The following MEGF6 variants were observed in gnomAD, a reference collection of about 807,000 sequenced individuals.
The protein encoded by MEGF6 is multiple EGF like domains 6, also known as multiple epidermal growth factor-like domains protein 6.
Under a neutral mutation model 207.1 loss-of-function variants are expected in MEGF6, and 184 were observed. That is an observed-to-expected ratio of 0.89 (90% CI 0.79 to 1.00). The LOEUF (loss-of-function observed/expected upper bound fraction) is 1.00. Among genes scored for constraint, MEGF6 ranks in the 50% least tolerant of loss-of-function variants. MEGF6 has a pLI of 0.00. For synonymous variants in MEGF6, 1,038 were observed against 910.0 expected, an observed-to-expected ratio of 1.14 and a Z score of -2.53; for missense variants, 2,282 against 2,202.9, an observed-to-expected ratio of 1.04 and a Z score of -0.72.
chr1:3,518,339 G>A (rs1398079058), intron 5 of MEGF6, among the ~76,000 whole-genome samples: 2 of 152,196 alleles, frequency 1.3e-5, no homozygotes, highest in East Asian at 3.9e-4. Context: ...CCAGCCACAT[G>A]CAGGTCCACT....
intron 4 of MEGF6, among the ~76,000 whole-genome samples, chr1:3,578,814 G>C (rs2487683): frequency 2.5e-4 from 34 of 137,656 alleles, no homozygotes; most frequent in South Asian, 7.7e-4. Flanking sequence ...GTCCCCAGCG[G>C]AACGTGGAGT....
rs1179569057 is a variant in MEGF6 at position 3,515,651 on chromosome 1, AC to A, written c.605-125del. ...TCCTGCTGTAGGACCCCTCCCAGCC[AC>A]TCCGAGCCCCTCCGCCTTTTCATCT... is the stretch of plus-strand genomic sequence containing the variant. On this transcript the variant is annotated intron_variant, in intron 5 of 36. Transcript: ENST00000356575. 14 of 1,176,792 alleles carry A rather than the reference AC, an allele frequency of 1.2e-5. No homozygotes were observed. The East Asian group carries it at 3.5e-4, about 30-fold the overall frequency. The allele number at this position is 1,176,792 out of a possible 1,614,324, so 72.9% of individuals were successfully genotyped here.
At chr1:3,523,318 G>A (rs984152411) in intron 5 of MEGF6, among the ~76,000 whole-genome samples, 1 of 152,182 alleles carries the variant, frequency 6.6e-6, no homozygotes, top group East Asian at 1.9e-4. Flanking sequence ...GGGTGCCGAA[G>A]GGTGAGGGTG....
chr1:3,499,390 C>A lies in MEGF6; in HGVS notation c.2966-124G>T, dbSNP rs755306681. ...GGCTGCTATGGCCAACTCTCCCCTC[C>A]CTCTGGCTCAGGCCACCCACTCAGC... On this transcript the variant is annotated intron_variant, in intron 23 of 36. Coordinates refer to ENST00000356575, the MANE Select transcript of MEGF6 (RefSeq NM_001409.4). 217 of 1,426,720 alleles carry A rather than the reference C, an allele frequency of 1.5e-4. No individual in the cohort carries two copies. The highest frequency in any genetic ancestry group is 1.9e-4 in the Non-Finnish European group (206 of 1,071,508). The allele number at this position is 1,426,720 out of a possible 1,614,324, so 88.4% of individuals were successfully genotyped here.
chr1:3,531,357 C>T, intron 4 of MEGF6: 1 of 1,188,928 alleles, frequency 8.4e-7, no homozygotes. Flanking sequence ...TCCGGGCGGG[C>T]GCGCAATCCC....
intron 3 of MEGF6, among the ~76,000 whole-genome samples, chr1:3,590,233 C>T (rs1376338807): frequency 6.6e-6 from 1 of 152,180 alleles, no homozygotes; most frequent in Non-Finnish European, 1.5e-5. Context: ...GCTCATCTGC[C>T]ACTCTGCCCA....
intron 4 of MEGF6, among the ~76,000 whole-genome samples, chr1:3,545,407 G>C (rs905849310): frequency 3.9e-5 from 6 of 152,138 alleles, no homozygotes; most frequent in African/African-American, 1.2e-4. Context: ...AAGCTGTCCC[G>C]CGCCTCCTGC....
chr1:3,498,242 T>C lies in MEGF6; in HGVS notation c.3352+129A>G. 7 of 1,212,548 alleles carry C rather than the reference T, an allele frequency of 5.8e-6. No individual in the cohort carries two copies. The South Asian group carries it at 1.1e-4, about 20-fold the overall frequency. The allele number at this position is 1,212,548 out of a possible 1,614,324, so 75.1% of individuals were successfully genotyped here. ...GTCTTAGTGCTCCGACGGCAGCTCT[T>C]GCATTCACAGGACAACAGGTCCCCT... is the stretch of plus-strand genomic sequence containing the variant. On this transcript the variant is annotated intron_variant, in intron 26 of 36. Coordinates refer to ENST00000356575, the MANE Select transcript of MEGF6 (RefSeq NM_001409.4).
intron 3 of MEGF6, among the ~76,000 whole-genome samples, chr1:3,581,245 C>T (rs1432066124): frequency 6.6e-6 from 1 of 152,144 alleles, no homozygotes; most frequent in African/African-American, 2.4e-5. Context: ...ACACGGGTCC[C>T]TGTGAATGCT....
At position 3,505,106 on chromosome 1, in the gene MEGF6, T is replaced by C. The variant is rs201372949; in HGVS notation, c.2188+102A>G. 3,798 of 1,483,340 alleles carry C rather than the reference T, an allele frequency of 2.6e-3. 6 individuals carry two copies. The highest frequency in any genetic ancestry group is 3.3e-3 in the Non-Finnish European group (3,587 of 1,103,468). The allele number at this position is 1,483,340 out of a possible 1,614,324, so 91.9% of individuals were successfully genotyped here. ...CCTGGGCTTAGGCAAAGGGGGCCGA[T>C]AGTGACAGCTGTGCAGCCCTTCTGA... On this transcript the variant is annotated intron_variant, in intron 17 of 36. Coordinates refer to ENST00000356575, the MANE Select transcript of MEGF6 (RefSeq NM_001409.4).
At chr1:3,541,487 C>T (rs922787871) in intron 4 of MEGF6, among the ~76,000 whole-genome samples, 2 of 152,228 alleles carry the variant, frequency 1.3e-5, no homozygotes, top group Non-Finnish European at 2.9e-5. Flanking sequence ...CCAAGGGGCT[C>T]ATGGAGTGCA....
intron 1 of MEGF6, among the ~76,000 whole-genome samples, chr1:3,607,584 G>T (rs1052202084): frequency 2.0e-5 from 3 of 152,204 alleles, no homozygotes; most frequent in African/African-American, 7.2e-5. Context: ...TGGAGAAGGT[G>T]GCAGGGGAAG....
At chr1:3,601,391 C>G (rs536066362) in intron 2 of MEGF6, among the ~76,000 whole-genome samples, 1 of 152,388 alleles carries the variant, frequency 6.6e-6, no homozygotes, top group East Asian at 1.9e-4. Context: ...ACAGTCAGGA[C>G]AGACTGCAAG....
chr1:3,596,429 T>C (rs925967809), intron 2 of MEGF6, among the ~76,000 whole-genome samples: 17 of 143,492 alleles, frequency 1.2e-4, no homozygotes, highest in East Asian at 2.1e-4. Flanking sequence ...CCCGGCCACC[T>C]CAGGGCACCC....
chr1:3,599,907 C>T (rs372855568), intron 2 of MEGF6, among the ~76,000 whole-genome samples: 23 of 152,246 alleles, frequency 1.5e-4, no homozygotes, highest in African/African-American at 3.6e-4. Context: ...CTGACAGGCA[C>T]GACCCCAGGC....
intron 4 of MEGF6, among the ~76,000 whole-genome samples, chr1:3,544,104 T>G (rs756448967): frequency 4.6e-5 from 7 of 152,002 alleles, no homozygotes; most frequent in Non-Finnish European, 1.0e-4. Flanking sequence ...TTCCGGGGCC[T>G]GACACACACC....
At position 3,514,689 on chromosome 1, in the gene MEGF6, G is replaced by A. The variant is rs199973482; in HGVS notation, c.731-17C>T. 30 of 1,561,398 alleles carry A rather than the reference G, an allele frequency of 1.9e-5. No individual in the cohort carries two copies. Among genetic ancestry groups the A allele is most frequent in the Admixed American group, 7.2e-5 (4 of 55,456 alleles). On this transcript the variant is annotated splice_polypyrimidine_tract_variant and intron_variant, in intron 6 of 36. Coordinates refer to ENST00000356575, the MANE Select transcript of MEGF6 (RefSeq NM_001409.4). Reference sequence around the variant, plus strand: ...GGCTTCTACCTGCAGCCACGGGCCCGAGGAGGGGGTTGGGGAGAGGGGACC... The same window carrying A: ...GGCTTCTACCTGCAGCCACGGGCCCAAGGAGGGGGTTGGGGAGAGGGGACC...
At chr1:3,500,878 T>C in intron 20 of MEGF6, 88 bp downstream of exon 20, 2 of 1,599,986 alleles carry the variant, frequency 1.3e-6, no homozygotes, top group Non-Finnish European at 1.7e-6. Context: ...TGCAAGCCCC[T>C]AGTCCTCGGG....
intron 4 of MEGF6, among the ~76,000 whole-genome samples, chr1:3,530,432 A>C (rs1570068217): frequency 6.6e-6 from 1 of 150,504 alleles, no homozygotes; most frequent in African/African-American, 2.5e-5. Flanking sequence ...CTCCAATTCC[A>C]CCCCCTCCTC....
Sources: allele counts gnomAD v4.1 joint callset (sites outside exome capture counted in the v4.1 genomes callset), GRCh38; gene constraint gnomAD v4.1.1; transcripts MANE v1.5; gene names NCBI Gene and HGNC (gene_info 2026-07-23, HGNC 2026-07-21).